FMNL2: variants seen among roughly 807,000 people sequenced by gnomAD.
FMNL2 encodes formin-like protein 2.
A neutral mutation model predicts 130.2 loss-of-function variants in FMNL2; 51 were observed. That is an observed-to-expected ratio of 0.39 (90% CI 0.31 to 0.49). The LOEUF (loss-of-function observed/expected upper bound fraction) is 0.49. Among genes scored for constraint, FMNL2 ranks in the 20% least tolerant of loss-of-function variants. The probability of loss-of-function intolerance (pLI) is 0.85; values close to 1 mark genes in which losing one functional copy is unlikely to be tolerated. For synonymous variants in FMNL2, 465 were observed against 467.1 expected (o/e 1.00, Z 0.06); for missense variants, 977 against 1,316.2 (o/e 0.74, Z 3.99).
chr2:152,583,989 G>A (rs371955545), intron 9 of FMNL2, among the ~76,000 whole-genome samples: 1 of 152,204 alleles, frequency 6.6e-6, no homozygotes, highest in Admixed American at 6.5e-5. Flanking sequence ...GGTCAGAAGA[G>A]CCTCAACCGA....
At chr2:152,566,847 G>T (rs1355281811) in intron 6 of FMNL2, among the ~76,000 whole-genome samples, 1 of 152,166 alleles carries the variant, frequency 6.6e-6, no homozygotes, top group African/African-American at 2.4e-5. Flanking sequence ...ACTTGGTGTG[G>T]ATGTGAAACA....
intron 2 of FMNL2, among the ~76,000 whole-genome samples, chr2:152,538,405 A>G (rs1694120283): frequency 6.6e-6 from 1 of 151,916 alleles, no homozygotes; most frequent in Non-Finnish European, 1.5e-5. Flanking sequence ...TCAGCCTCCC[A>G]AGTAGCTGGG....
At chr2:152,484,590 T>C (rs1690713832) in intron 1 of FMNL2, among the ~76,000 whole-genome samples, 1 of 151,988 alleles carries the variant, frequency 6.6e-6, no homozygotes, top group South Asian at 2.1e-4. Context: ...CTGGGCAGCA[T>C]GAGACCTCAT....
intron 6 of FMNL2, among the ~76,000 whole-genome samples, chr2:152,569,822 A>G (rs1696076687): frequency 6.6e-6 from 1 of 152,052 alleles, no homozygotes; most frequent in Non-Finnish European, 1.5e-5. Flanking sequence ...CAGCCTGGCC[A>G]ACATGGTGAA....
chr2:152,538,621 C>A (rs1007838988), intron 2 of FMNL2, among the ~76,000 whole-genome samples: 1 of 152,088 alleles, frequency 6.6e-6, no homozygotes, highest in Non-Finnish European at 1.5e-5. Context: ...ATAAAACTTT[C>A]ATGGGAACCA....
At chr2:152,468,634 C>T (rs939662311) in intron 1 of FMNL2, among the ~76,000 whole-genome samples, 3 of 152,016 alleles carry the variant, frequency 2.0e-5, no homozygotes, top group African/African-American at 7.2e-5. Flanking sequence ...AATGATATAC[C>T]TTATTTAAGC....
chr2:152,388,957 T>C (rs1167824802), intron 1 of FMNL2, among the ~76,000 whole-genome samples: 1 of 152,042 alleles, frequency 6.6e-6, no homozygotes, highest in African/African-American at 2.4e-5. Flanking sequence ...AATATAAAAT[T>C]TAAGGTGGCT....
At chr2:152,587,760 G>A (rs1697166423) in intron 9 of FMNL2, among the ~76,000 whole-genome samples, 1 of 152,120 alleles carries the variant, frequency 6.6e-6, no homozygotes, top group Non-Finnish European at 1.5e-5. Flanking sequence ...CTCACTTACT[G>A]AAAAAAATGT....
intron 1 of FMNL2, among the ~76,000 whole-genome samples, chr2:152,378,986 CAAAA>C (rs34091948): frequency 5.7e-4 from 24 of 41,978 alleles, no homozygotes; most frequent in African/African-American, 7.0e-4. Context: ...AGACCAGCTG[CAAAA>C]AAAAAAAAAA....
intron 1 of FMNL2, among the ~76,000 whole-genome samples, chr2:152,394,041 T>C (rs1558824476): frequency 6.6e-6 from 1 of 152,244 alleles, no homozygotes; most frequent in Admixed American, 6.5e-5. Flanking sequence ...CATAGTTTGC[T>C]GACCCTTGTA....
intron 9 of FMNL2, among the ~76,000 whole-genome samples, chr2:152,588,701 AG>A (rs941790915): frequency 9.9e-5 from 15 of 152,104 alleles, no homozygotes; most frequent in African/African-American, 3.6e-4. Flanking sequence ...CCGAATCTCC[AG>A]TTTTAAAGAG....
chr2:152,571,865 G>C (rs939675047), intron 6 of FMNL2, among the ~76,000 whole-genome samples: 4 of 150,762 alleles, frequency 2.7e-5, no homozygotes, highest in Non-Finnish European at 4.4e-5. Context: ...TGAGCGGTTT[G>C]AATGTTAATT....
Position 152,647,998 on chromosome 2 carries a change from C to A in FMNL2, c.*93C>A. ...TACGATTTAACTGCAGCCTTGAACA[C>A]ACACAAAAATATTCTTAAGGGCTCA... On this transcript the variant is annotated 3_prime_UTR_variant, in exon 26 of 26. Transcript: ENST00000288670. 2 of 1,057,686 alleles carry A rather than the reference C, an allele frequency of 1.9e-6. No homozygotes were observed. Among genetic ancestry groups the A allele is most frequent in the South Asian group, 1.5e-5 (1 of 64,916 alleles). The allele number at this position is 1,057,686 out of a possible 1,614,324, so 65.5% of individuals were successfully genotyped here.
chr2:152,571,383 A>G (rs1190462225), intron 6 of FMNL2, among the ~76,000 whole-genome samples: 1 of 152,220 alleles, frequency 6.6e-6, no homozygotes, highest in Non-Finnish European at 1.5e-5. Flanking sequence ...CCAATTATCC[A>G]TGGGAGTCCA....
chr2:152,342,774 A>G (rs1236117091), intron 1 of FMNL2, among the ~76,000 whole-genome samples: 1 of 152,190 alleles, frequency 6.6e-6, no homozygotes, highest in Non-Finnish European at 1.5e-5. Flanking sequence ...TAGGTTGGAG[A>G]GCTGCCTCTT....
chr2:152,532,611 A>ATT (rs58777501), intron 2 of FMNL2, among the ~76,000 whole-genome samples: 28 of 136,998 alleles, frequency 2.0e-4, no homozygotes, highest in Admixed American at 5.0e-4. Context: ...TTTTTTTCTT[A>ATT]TTTTTTTTTT....
intron 14 of FMNL2, 132 bp downstream of exon 14, chr2:152,619,290 C>T (rs16831451): frequency 0.069 from 89,709 of 1,301,408 alleles, 3,553 homozygotes; most frequent in East Asian, 0.14. Context: ...TTGAGTAGTT[C>T]TTAACTGTTT....
chr2:152,505,860 A>G (rs970092216), intron 1 of FMNL2, among the ~76,000 whole-genome samples: 5 of 152,372 alleles, frequency 3.3e-5, no homozygotes, highest in African/African-American at 1.2e-4. Context: ...TGGCTTGTAA[A>G]TCAGGGCGGC....
chr2:152,369,755 G>T (rs958655138), intron 1 of FMNL2, among the ~76,000 whole-genome samples: 1 of 152,164 alleles, frequency 6.6e-6, no homozygotes, highest in African/African-American at 2.4e-5. Flanking sequence ...TGAACCTCAG[G>T]GTTGTTCTTA....
Sources: allele counts gnomAD v4.1 joint callset (sites outside exome capture counted in the v4.1 genomes callset), GRCh38; gene constraint gnomAD v4.1.1; transcripts MANE v1.5; gene names NCBI Gene and HGNC (gene_info 2026-07-23, HGNC 2026-07-21).